Variants in CR1 observed in about 807,000 individuals in gnomAD.
The protein encoded by CR1 is complement C3b/C4b receptor 1 (Knops blood group), also known as complement receptor type 1.
CR1 carries 116 observed loss-of-function variants against 187.3 expected under a neutral mutation model. That is an observed-to-expected ratio of 0.62 (90% confidence interval 0.53 to 0.72). The LOEUF (loss-of-function observed/expected upper bound fraction) is 0.72, where lower values mean the gene tolerates loss of function less well. Ranked by LOEUF, CR1 falls within the 30% of genes least tolerant of loss-of-function variation. The pLI, the probability that CR1 is intolerant of heterozygous loss-of-function variation, is 0.00. For missense variants in CR1, 1,731 were observed against 2,110.7 expected, an observed-to-expected ratio of 0.82 and a Z score of 3.52; for synonymous variants, 576 against 747.1, an observed-to-expected ratio of 0.77 and a Z score of 3.73.
In CR1 at chr1:207,612,012, G is replaced by A. The variant is rs539009819; in HGVS notation, c.6546G>A (p.Gly2182=). 6.2e-7 allele frequency: 1 copy of A among 1,613,992 alleles called. No homozygotes were observed. The highest frequency in any genetic ancestry group is 1.3e-5 in the African/African-American group (1 of 75,032). ...RVLLPLNLQL[G]AKVSFVCDEG... ...TACTTCCACTTAATCTCCAGCTTGG[G>A]GCAAAGGTGTCCTTTGTTTGCGATG... is the stretch of plus-strand genomic sequence containing the variant. The change falls in exon 39 of 47, where the codon GGG becomes GGA. Residue 2182 remains glycine (G), a synonymous_variant. Transcript: ENST00000367049.
chr1:207,609,073 G>A (rs546906105), intron 36 of CR1, among the ~76,000 whole-genome samples: 85 of 151,438 alleles, frequency 5.6e-4, no homozygotes, highest in African/African-American at 1.9e-3. Context: ...AAAAAACATG[G>A]ATTTTTTTTG....
chr1:207,611,066 C>T (rs1179167428), intron 37 of CR1, among the ~76,000 whole-genome samples: 1 of 151,934 alleles, frequency 6.6e-6, no homozygotes, highest in Non-Finnish European at 1.5e-5. Context: ...TAACTGTCCC[C>T]ACCTCCCCTC....
chr1:207,605,591 A>G (rs1325210774), intron 35 of CR1, among the ~76,000 whole-genome samples: 1 of 152,172 alleles, frequency 6.6e-6, no homozygotes, highest in Non-Finnish European at 1.5e-5. Context: ...TAGCTTAGTC[A>G]CAGCGAGCAC....
intron 28 of CR1, among the ~76,000 whole-genome samples, chr1:207,575,947 A>G (rs1385119430): frequency 4.6e-5 from 7 of 152,094 alleles, no homozygotes; most frequent in African/African-American, 1.7e-4. Flanking sequence ...CTGTTGGTTG[A>G]GCACCTCGCA....
rs1483117345 is a variant in CR1, at chr1:207,580,508, T to C, written c.5114-3T>C. On this transcript the variant is annotated splice_polypyrimidine_tract_variant and splice_region_variant and intron_variant, in intron 30 of 46. Transcript: ENST00000367049. ...TTTCTTTTTTTTTTTTTTCTTCTTCTAGTGAAATCCTGTGATGACTTCTTG... is the reference window on the plus strand; with the variant it reads ...TTTCTTTTTTTTTTTTTTCTTCTTCCAGTGAAATCCTGTGATGACTTCTTG... 1 of 1,594,638 alleles carries C rather than the reference T, an allele frequency of 6.3e-7. No individual in the cohort carries two copies. Among genetic ancestry groups the C allele is most frequent in the African/African-American group, 1.4e-5 (1 of 73,150 alleles).
intron 5 of CR1, among the ~76,000 whole-genome samples, chr1:207,524,237 A>G (rs1660095787): frequency 6.6e-6 from 1 of 152,142 alleles, no homozygotes; most frequent in Admixed American, 6.5e-5. Flanking sequence ...TGGGGTTCTT[A>G]TAAACAGATC....
At chr1:207,574,220 C>G (rs1447220619) in intron 27 of CR1, among the ~76,000 whole-genome samples, 1 of 152,000 alleles carries the variant, frequency 6.6e-6, no homozygotes, top group African/African-American at 2.4e-5. Context: ...GCAAATAAGC[C>G]CATACCTAGC....
chr1:207,614,956 A>G (rs1662050250), intron 40 of CR1, among the ~76,000 whole-genome samples: 1 of 151,974 alleles, frequency 6.6e-6, no homozygotes, highest in African/African-American at 2.4e-5. Flanking sequence ...CTACAGGTGC[A>G]TGCCACCACA....
intron 5 of CR1, among the ~76,000 whole-genome samples, chr1:207,524,809 A>G (rs1280262877): frequency 2.6e-5 from 4 of 151,940 alleles, no homozygotes; most frequent in Non-Finnish European, 1.5e-5. Context: ...GCTCATCAGC[A>G]TTCAGTCATG....
intron 43 of CR1, 126 bp downstream of exon 43, chr1:207,620,191 G>A: frequency 1.1e-6 from 1 of 944,518 alleles, no homozygotes; most frequent in Non-Finnish European, 1.5e-6. Context: ...AGTACAATAT[G>A]AGCATCCACC....
chr1:207,637,521 C>T (rs947568881), intron 46 of CR1, among the ~76,000 whole-genome samples: 1 of 152,230 alleles, frequency 6.6e-6, no homozygotes, highest in African/African-American at 2.4e-5. Context: ...GCCTGAGTGA[C>T]ATCCCGCTTA....
chr1:207,584,295 A>C (rs1661044943), intron 32 of CR1, among the ~76,000 whole-genome samples: 1 of 152,234 alleles, frequency 6.6e-6, no homozygotes, highest in Non-Finnish European at 1.5e-5. Context: ...GACATACAGC[A>C]GATATTCAAA....
At chr1:207,631,131 AC>A (rs1158328409) in intron 46 of CR1, among the ~76,000 whole-genome samples, 10 of 152,176 alleles carry the variant, frequency 6.6e-5, no homozygotes, top group African/African-American at 2.2e-4. Flanking sequence ...TAAATACCTA[AC>A]CTTTCATTCT....
At position 207,575,199 on chromosome 1, in the gene CR1, T is replaced by TACA. The variant is rs2102334384; in HGVS notation, c.4452-396_4452-395insACA. On this transcript the variant is annotated intron_variant, in intron 27 of 46. Coordinates refer to ENST00000367049, the MANE Select transcript of CR1 (RefSeq NM_000651.6). ...ATGTCTCAAGTAAAATGACATAGTA[T>TACA]TATACACACACACACACACACACAC... Among the ~76,000 whole-genome samples, 3 of 88,490 alleles carry TACA rather than the reference T, an allele frequency of 3.4e-5. No individual in the cohort carries two copies. In the East Asian group the frequency reaches 9.4e-4, roughly 28 times the overall value. The allele number at this position is 88,490 out of a possible 152,430, so 58.1% of individuals were successfully genotyped here. A position where few individuals can be genotyped will look rare whatever the true frequency, so the allele number is the denominator to read the frequency against.
chr1:207,575,731 G>A (rs912255746), intron 28 of CR1, 51 bp downstream of exon 28: 3 of 1,609,454 alleles, frequency 1.9e-6, no homozygotes, highest in Non-Finnish European at 2.5e-6. Flanking sequence ...TCCTAGAGTT[G>A]TCCTCCTAGA....
chr1:207,573,374 GT>G (rs1394333773), intron 27 of CR1, among the ~76,000 whole-genome samples: 2 of 152,166 alleles, frequency 1.3e-5, no homozygotes, highest in African/African-American at 2.4e-5. Flanking sequence ...TAAATCCGAT[GT>G]CTCCTTTTCT....
At chr1:207,621,683 C>A (rs1207231389) in intron 43 of CR1, among the ~76,000 whole-genome samples, 2 of 152,074 alleles carry the variant, frequency 1.3e-5, no homozygotes, top group Non-Finnish European at 2.9e-5. Flanking sequence ...TGTACCAGAA[C>A]AGAATGTATC....
intron 4 of CR1, among the ~76,000 whole-genome samples, chr1:207,518,185 T>C (rs1659862544): frequency 6.6e-6 from 1 of 152,218 alleles, no homozygotes; most frequent in South Asian, 2.1e-4. Flanking sequence ...ATTTCACTTT[T>C]AATATCTCCT....
chr1:207,617,497 ATATATATATATGTG>A lies in CR1; in HGVS notation c.6890-572_6890-559del, dbSNP rs1292877800. 5.5e-4 allele frequency among the ~76,000 whole-genome samples: 32 copies of A among 58,396 alleles called. 2 individuals are homozygous for A. The highest frequency in any genetic ancestry group is 1.9e-3 in the African/African-American group (30 of 15,782). The allele number at this position is 58,396 out of a possible 152,430, so 38.3% of individuals were successfully genotyped here. On this transcript the variant is annotated intron_variant, in intron 41 of 46. Transcript: ENST00000367049. The stretch of plus-strand genomic sequence containing the variant: ...TAGAACTTAAAGTATATATATATAT[ATATATATATATGTG>A]TGTGTGTGTGTGTGTGTGTGTGTGT...
Sources: gnomAD v4.1 joint callset for allele counts (sites outside exome capture counted in the v4.1 genomes callset) on GRCh38, gnomAD v4.1.1 for gene constraint, MANE v1.5 for transcripts, NCBI Gene and HGNC (gene_info 2026-07-23, HGNC 2026-07-21) for gene names.